The following LIPN variants were observed in gnomAD, a reference collection of about 807,000 sequenced individuals.
The protein encoded by LIPN is lipase member N.
Under a neutral mutation model 43.7 loss-of-function variants are expected in LIPN, and 32 were observed. That is an observed-to-expected ratio of 0.73 (90% CI 0.55 to 0.98). LIPN has a LOEUF of 0.98. Ranked by LOEUF, LIPN falls within the 50% of genes least tolerant of loss-of-function variation. The pLI is 0.00. For synonymous variants in LIPN, 156 were observed against 157.6 expected, an observed-to-expected ratio of 0.99 and a Z score of 0.08; for missense variants, 505 against 483.8, an observed-to-expected ratio of 1.04 and a Z score of -0.41.
In LIPN at chr10:88,762,173, A is replaced by G; in HGVS notation, c.109-15A>G. ...TTGGAGAAGTTCCACTAACGACTGT[A>G]TTTTTACTGGGCAGAGTGAAATCAT... On this transcript the variant is annotated splice_polypyrimidine_tract_variant and intron_variant, in intron 2 of 9. Coordinates refer to ENST00000404459, the MANE Select transcript of LIPN (RefSeq NM_001102469.2). 2 of 1,424,622 alleles carry G rather than the reference A, an allele frequency of 1.4e-6. No homozygotes were observed. Among genetic ancestry groups the G allele is most frequent in the Non-Finnish European group, 2.0e-6 (2 of 1,016,392 alleles). The allele number at this position is 1,424,622 out of a possible 1,614,324, so 88.2% of individuals were successfully genotyped here.
Position 88,766,378 on chromosome 10 carries a change from G to A in LIPN, c.535G>A (p.Gly179Arg). Reference sequence around the variant, plus strand: ...TGGACATTCACTTGGCACTACAATAGGTATGTTTATGAGGGTCACTGTTAG... The same window carrying A: ...TGGACATTCACTTGGCACTACAATAAGTATGTTTATGAGGGTCACTGTTAG... The part of the protein sequence containing the change: ...FIGHSLGTTI[G>R]FVAFSTMPEL... The change falls in exon 5 of 10, where the codon GGG (glycine) becomes AGG (arginine). Residue 179 changes from glycine to arginine, a missense_variant and splice_region_variant. Gly to Arg is a moderately radical substitution (Grantham distance 125, BLOSUM62 -2). Coordinates refer to ENST00000404459, the MANE Select transcript of LIPN (RefSeq NM_001102469.2). 1.9e-6 allele frequency: 3 copies of A among 1,564,994 alleles called. No homozygotes were observed. Among genetic ancestry groups the A allele is most frequent in the Non-Finnish European group, 2.6e-6 (3 of 1,136,476 alleles).
chr10:88,770,214 G>A (rs1474745546), intron 6 of LIPN, among the ~76,000 whole-genome samples: 4 of 151,740 alleles, frequency 2.6e-5, no homozygotes, highest in Admixed American at 6.6e-5. Context: ...AGTTTCAATT[G>A]TGCTGCCTTT....
chr10:88,778,162 C>A lies in LIPN; in HGVS notation c.1117C>A (p.His373Asn). 1.9e-6 allele frequency: 3 copies of A among 1,613,476 alleles called. No individual in the cohort carries two copies. Among genetic ancestry groups the A allele is most frequent in the Non-Finnish European group, 2.5e-6 (3 of 1,179,684 alleles). The change falls in exon 10 of 10, where the codon CAC becomes AAC. Residue 373 changes from histidine to asparagine, a missense_variant. Transcript: ENST00000404459. The part of the protein sequence containing the change: ...HYFKLLPDWN[H>N]FDFVWGLDAP... ...CTTTAAGCTATTGCCAGATTGGAAC[C>A]ACTTTGATTTTGTCTGGGGCCTCGA...
Position 88,761,488 on chromosome 10 carries a change from T to C in LIPN, c.83T>C (p.Val28Ala). ...AGGFLDLENEVNPEVWMNTSE... is the reference protein window; with the variant it reads ...AGGFLDLENEANPEVWMNTSE... ...GGATTCCTTGATTTGGAAAATGAAGTGAATCCTGAGGTGTGGATGAATACT... is the reference window on the plus strand; with the variant it reads ...GGATTCCTTGATTTGGAAAATGAAGCGAATCCTGAGGTGTGGATGAATACT... Residue 28 changes from valine to alanine, a missense_variant, in exon 2 of 10, where the codon GTG (valine) becomes GCG (alanine). By Grantham distance (64) the Val-to-Ala change is moderately conservative. Coordinates refer to ENST00000404459, the MANE Select transcript of LIPN (RefSeq NM_001102469.2). 2 of 1,611,634 alleles carry C rather than the reference T, an allele frequency of 1.2e-6. No homozygotes were observed. The highest frequency in any genetic ancestry group is 1.7e-6 in the Non-Finnish European group (2 of 1,178,334).
intron 4 of LIPN, 30 bp downstream of exon 4, chr10:88,764,638 G>C (rs1346483670): frequency 6.7e-7 from 1 of 1,489,586 alleles, no homozygotes; most frequent in Admixed American, 2.0e-5. Flanking sequence ...ACTCAAGGGG[G>C]AAATTGGAGG....
intron 3 of LIPN, 39 bp from the exon 4 acceptor site, chr10:88,764,371 C>A: frequency 6.7e-7 from 1 of 1,485,426 alleles, no homozygotes; most frequent in Non-Finnish European, 9.3e-7. Flanking sequence ...CTCTCTCTTT[C>A]TCTTTCTCCC....
Position 88,760,177 on chromosome 10 carries a change from G to C in LIPN, c.-9+71G>C, listed in dbSNP as rs185996512. On this transcript the variant is annotated intron_variant, in intron 1 of 9. Coordinates refer to ENST00000404459, the MANE Select transcript of LIPN (RefSeq NM_001102469.2). ...CAGTTGCACTGGCAGTCAGGTGCAA[G>C]AGCTCTGCAGTGAGGCTGCCTGAGT... Among the ~76,000 whole-genome samples the C allele has an allele frequency of 2.5e-3, 377 of 152,174 alleles. 1 individual carries two copies. Among genetic ancestry groups the C allele is most frequent in the Non-Finnish European group, 4.1e-3 (278 of 67,986 alleles).
chr10:88,762,731 C>T (rs969257382), intron 3 of LIPN, among the ~76,000 whole-genome samples: 7 of 151,990 alleles, frequency 4.6e-5, no homozygotes, highest in African/African-American at 1.7e-4. Flanking sequence ...AAGGGGCCTC[C>T]CTCTGCAGGA....
intron 9 of LIPN, among the ~76,000 whole-genome samples, chr10:88,776,516 C>T (rs1365140927): frequency 6.6e-6 from 1 of 152,080 alleles, no homozygotes; most frequent in African/African-American, 2.4e-5. Context: ...CAAGCCGGTC[C>T]TATTTTGTGA....
intron 2 of LIPN, 47 bp downstream of exon 2, chr10:88,761,560 T>C (rs1349517332): frequency 3.0e-6 from 4 of 1,315,400 alleles, no homozygotes; most frequent in African/African-American, 1.5e-5. Flanking sequence ...GCAGGACTAA[T>C]GGAGTATGAG....
At chr10:88,773,437 T>C (rs1235101231) in intron 7 of LIPN, among the ~76,000 whole-genome samples, 1 of 151,948 alleles carries the variant, frequency 6.6e-6, no homozygotes, top group Non-Finnish European at 1.5e-5. Context: ...CTGCGTCTTA[T>C]TTCATGTGTT....
chr10:88,762,348 C>G, intron 3 of LIPN, 43 bp downstream of exon 3: 1 of 1,214,956 alleles, frequency 8.2e-7, no homozygotes, highest in Non-Finnish European at 1.2e-6. Flanking sequence ...GCATTGACCT[C>G]CTGCTTCTCA....
intron 5 of LIPN, among the ~76,000 whole-genome samples, chr10:88,768,104 A>G (rs927571725): frequency 6.6e-6 from 1 of 151,422 alleles, no homozygotes; most frequent in African/African-American, 2.4e-5. Context: ...AAACCAAATT[A>G]TATGGATATT....
intron 3 of LIPN, 114 bp downstream of exon 3, chr10:88,762,419 G>T: frequency 1.4e-6 from 1 of 689,802 alleles, no homozygotes; most frequent in East Asian, 2.7e-5. Context: ...TGAATTATTG[G>T]ATTAGTCTTT....
intron 2 of LIPN, 102 bp downstream of exon 2, chr10:88,761,615 A>G: frequency 1.3e-6 from 1 of 764,816 alleles, no homozygotes; most frequent in Non-Finnish European, 2.2e-6. Flanking sequence ...GATAAAACAG[A>G]TAAAATGTAG....
chr10:88,759,942 A>C (rs1283183290), upstream of LIPN, among the ~76,000 whole-genome samples: 1 of 152,064 alleles, frequency 6.6e-6, no homozygotes, highest in African/African-American at 2.4e-5. Context: ...TGTGTGTCTC[A>C]GTCTAAAGCT....
chr10:88,771,349 A>AAG (rs1843205775), intron 7 of LIPN, among the ~76,000 whole-genome samples: 3 of 151,882 alleles, frequency 2.0e-5, no homozygotes, highest in Admixed American at 6.6e-5. Context: ...TGTGCATGCC[A>AAG]GACTTTAGTC....
chr10:88,775,444 CT>C (rs1196481075), intron 9 of LIPN, among the ~76,000 whole-genome samples: 2 of 151,766 alleles, frequency 1.3e-5, no homozygotes, highest in Non-Finnish European at 2.9e-5. Flanking sequence ...TATTATATTG[CT>C]TTTAGACAAC....
chr10:88,771,496 A>T (rs531207461), intron 7 of LIPN, among the ~76,000 whole-genome samples: 1 of 151,730 alleles, frequency 6.6e-6, no homozygotes, highest in East Asian at 1.9e-4. Context: ...ACTCCCCTAT[A>T]TGAGTGAGAA....
Sources: allele counts gnomAD v4.1 joint callset (sites outside exome capture counted in the v4.1 genomes callset), GRCh38; gene constraint gnomAD v4.1.1; transcripts MANE v1.5; gene names NCBI Gene and HGNC (gene_info 2026-07-23, HGNC 2026-07-21).